CDH12: variants seen among roughly 807,000 people sequenced by gnomAD.
The protein encoded by CDH12 is cadherin 12, also known as cadherin-12.
A neutral mutation model predicts 74.1 loss-of-function variants in CDH12; 41 were observed. That is an observed-to-expected ratio of 0.55 (90% CI 0.43 to 0.72). The LOEUF is 0.72. CDH12 is among the 30% of genes least tolerant of loss of function. CDH12 has a pLI of 0.00. For missense variants in CDH12, 945 were observed against 977.2 expected, an observed-to-expected ratio of 0.97 and a Z score of 0.44; for synonymous variants, 399 against 355.0, an observed-to-expected ratio of 1.12 and a Z score of -1.39.
chr5:22,729,396 C>T (rs1045324671), intron 1 of CDH12, among the ~76,000 whole-genome samples: 1 of 151,840 alleles, frequency 6.6e-6, no homozygotes, highest in Non-Finnish European at 1.5e-5. Context: ...TTTAAGGGCT[C>T]ATGTTATTAC....
chr5:22,681,994 C>A (rs142680656), intron 1 of CDH12, among the ~76,000 whole-genome samples: 11 of 152,132 alleles, frequency 7.2e-5, no homozygotes, highest in East Asian at 5.8e-4. Flanking sequence ...CATATACATT[C>A]ATGGAAACAT....
intron 11 of CDH12, among the ~76,000 whole-genome samples, chr5:21,775,878 CA>C (rs1745559521): frequency 6.6e-6 from 1 of 151,732 alleles, no homozygotes; most frequent in African/African-American, 2.4e-5. Flanking sequence ...TCTCTTTTTT[CA>C]ATTGACTTGT....
chr5:22,810,921 G>A (rs1749104584), intron 1 of CDH12, among the ~76,000 whole-genome samples: 1 of 147,270 alleles, frequency 6.8e-6, no homozygotes, highest in African/African-American at 2.7e-5. Flanking sequence ...GTGTGTGTGT[G>A]TGTGTGTGTA....
rs568139109 is a variant in CDH12, at chr5:22,801,636, C to CATAT, written c.-523+51418_-523+51421dup. On this transcript the variant is annotated intron_variant, in intron 1 of 14. Coordinates refer to ENST00000382254, the MANE Select transcript of CDH12 (RefSeq NM_004061.5). ...TTACAATTACCTTCACTCTGCTTAT[C>CATAT]ATATATATATATATATATATATATA... 8.3e-3 allele frequency among the ~76,000 whole-genome samples: 424 copies of CATAT among 50,846 alleles called. 9 individuals carry two copies. The highest frequency in any genetic ancestry group is 0.012 in the Non-Finnish European group (314 of 26,042). 33.4% of individuals were successfully genotyped at this position (50,846 alleles called of 152,430 possible). A position where few individuals can be genotyped will look rare whatever the true frequency, so the allele number is the denominator to read the frequency against.
In CDH12 at chr5:21,880,612, C is replaced by T. The variant is rs13163103; in HGVS notation, c.527-25822G>A. Among the ~76,000 whole-genome samples the T allele has an allele frequency of 5.3e-3, 372 of 69,852 alleles. 7 individuals are homozygous for T. The highest frequency in any genetic ancestry group is 0.022 in the African/African-American group (335 of 15,184). 45.8% of individuals were successfully genotyped at this position (69,852 alleles called of 152,430 possible). On this transcript the variant is annotated intron_variant, in intron 6 of 14. Transcript: ENST00000382254. ...CCTTCCTTCCTTCCTTCCTTCCTTC[C>T]TTCCTTCTTTCTTTCTTTCTTTCTT...
intron 5 of CDH12, among the ~76,000 whole-genome samples, chr5:22,009,908 G>T (rs1737194657): frequency 7.5e-6 from 1 of 133,720 alleles, no homozygotes; most frequent in African/African-American, 3.0e-5. Flanking sequence ...AACCTGGGAG[G>T]CAGAGGTTGC....
chr5:22,225,477 G>T (rs1340308611), intron 3 of CDH12, among the ~76,000 whole-genome samples: 1 of 152,026 alleles, frequency 6.6e-6, no homozygotes, highest in East Asian at 1.9e-4. Context: ...AAAATGGTTA[G>T]AACTTTGCCA....
At chr5:22,203,103 G>C (rs1254031401) in intron 4 of CDH12, among the ~76,000 whole-genome samples, 1 of 152,066 alleles carries the variant, frequency 6.6e-6, no homozygotes, top group Admixed American at 6.5e-5. Flanking sequence ...TTTGTTTGTG[G>C]TGAGAGCATT....
intron 1 of CDH12, among the ~76,000 whole-genome samples, chr5:22,552,566 C>G (rs1402052330): frequency 1.3e-5 from 2 of 151,814 alleles, no homozygotes; most frequent in Non-Finnish European, 2.9e-5. Context: ...ATAGCTGGAA[C>G]TACAGGCACC....
chr5:22,428,149 CATAG>C (rs1744017681), intron 2 of CDH12, among the ~76,000 whole-genome samples: 1 of 151,540 alleles, frequency 6.6e-6, no homozygotes, highest in Non-Finnish European at 1.5e-5. Flanking sequence ...TATAAAACTC[CATAG>C]ATAGATATAT....
intron 3 of CDH12, among the ~76,000 whole-genome samples, chr5:22,251,576 A>T (rs980696125): frequency 6.6e-6 from 1 of 152,180 alleles, no homozygotes; most frequent in Non-Finnish European, 1.5e-5. Flanking sequence ...TAAAGCAGGG[A>T]TGATAAAAAT....
At chr5:22,370,795 T>C (rs959337056) in intron 3 of CDH12, among the ~76,000 whole-genome samples, 1 of 152,104 alleles carries the variant, frequency 6.6e-6, no homozygotes, top group Non-Finnish European at 1.5e-5. Context: ...TGGGAATAAC[T>C]GGACCAGGAG....
intron 5 of CDH12, among the ~76,000 whole-genome samples, chr5:22,064,489 A>G (rs1741425272): frequency 6.6e-6 from 1 of 152,142 alleles, no homozygotes; most frequent in Non-Finnish European, 1.5e-5. Context: ...TAATATGACT[A>G]GCTTTAAATA....
intron 1 of CDH12, among the ~76,000 whole-genome samples, chr5:22,835,039 C>T (rs1404675363): frequency 6.6e-6 from 1 of 152,044 alleles, no homozygotes; most frequent in African/African-American, 2.4e-5. Flanking sequence ...GCTGTCTAAT[C>T]TTGTAATAAA....
At chr5:21,854,625 A>G in intron 7 of CDH12, 46 bp downstream of exon 7, 4 of 1,498,192 alleles carry the variant, frequency 2.7e-6, no homozygotes, top group Non-Finnish European at 3.6e-6. Flanking sequence ...TAAAGTTTAA[A>G]TATTTGAAGG....
intron 4 of CDH12, among the ~76,000 whole-genome samples, chr5:22,148,921 C>T (rs545081138): frequency 8.9e-4 from 135 of 152,272 alleles, no homozygotes; most frequent in Non-Finnish European, 1.5e-3. Context: ...GAGTTTAAGA[C>T]CAAACTGGCC....
At chr5:22,222,449 A>G (rs1223543608) in intron 3 of CDH12, among the ~76,000 whole-genome samples, 2 of 151,962 alleles carry the variant, frequency 1.3e-5, no homozygotes, top group Non-Finnish European at 2.9e-5. Context: ...TTATGTTGCC[A>G]TATTTTATAA....
intron 6 of CDH12, among the ~76,000 whole-genome samples, chr5:21,948,242 G>A (rs1755667559): frequency 6.6e-6 from 1 of 152,126 alleles, no homozygotes; most frequent in African/African-American, 2.4e-5. Flanking sequence ...ACCCCTGAAT[G>A]GAAGATCCAC....
chr5:22,755,054 G>A (rs1268416429), intron 1 of CDH12, among the ~76,000 whole-genome samples: 1 of 152,108 alleles, frequency 6.6e-6, no homozygotes, highest in East Asian at 1.9e-4. Context: ...TATTTCTGGA[G>A]TGATAAATCT....
Sources: allele counts gnomAD v4.1 joint callset (sites outside exome capture counted in the v4.1 genomes callset), GRCh38; gene constraint gnomAD v4.1.1; transcripts MANE v1.5; gene names NCBI Gene and HGNC (gene_info 2026-07-23, HGNC 2026-07-21).